The following PC variants were observed in gnomAD, a reference collection of about 807,000 sequenced individuals.
PC encodes the protein pyruvate carboxylase, also known as pyruvate carboxylase, mitochondrial.
PC carries 46 observed loss-of-function variants against 107.8 expected under a neutral mutation model. The ratio of observed to expected loss-of-function variants is 0.43; its 90% CI spans 0.34 to 0.55. The LOEUF (loss-of-function observed/expected upper bound fraction) is 0.55. PC is among the 20% of genes least tolerant of loss of function. The probability of loss-of-function intolerance (pLI) is 0.04; values close to 1 mark genes in which losing one functional copy is unlikely to be tolerated. For synonymous variants in PC, 662 were observed against 684.7 expected (o/e 0.97, Z 0.52); for missense variants, 1,241 against 1,643.1 (o/e 0.76, Z 4.23).
chr11:66,929,218 C>T (rs1267096278), intron 3 of PC, among the ~76,000 whole-genome samples: 1 of 152,106 alleles, frequency 6.6e-6, no homozygotes, highest in Non-Finnish European at 1.5e-5. Context: ...AGGCATAGTA[C>T]TAAAATTCTG....
In PC at chr11:66,870,579, G is replaced by C; in HGVS notation, c.752-126C>G. The C allele has an allele frequency of 8.3e-7, 1 of 1,207,010 alleles. No individual in the cohort carries two copies. Among genetic ancestry groups the C allele is most frequent in the South Asian group, 1.2e-5 (1 of 80,580 alleles). 74.8% of individuals were successfully genotyped at this position (1,207,010 alleles called of 1,614,324 possible). ...CTGCCAGCGGTACAGAGGCTGCCAG[G>C]AGAGACACCAGCATCACCAAGGCTG... On this transcript the variant is annotated intron_variant, in intron 8 of 22. Transcript: ENST00000393960. The surrounding 1 kb of genome is among the most constrained non-coding windows in gnomAD (Gnocchi z 6.1).
chr11:66,904,197 T>TCCTGCCCCACCCCTCCTGCAC (rs1948079211), intron 3 of PC, among the ~76,000 whole-genome samples: 1 of 151,982 alleles, frequency 6.6e-6, no homozygotes, highest in Non-Finnish European at 1.5e-5. Context: ...GTTCCTGATC[T>TCCTGCCCCACCCCTCCTGCAC]CCTGCCCCAC....
rs546367964 is a variant in PC, at chr11:66,850,417, C to T, written c.2521G>A (p.Ala841Thr). The T allele has an allele frequency of 6.2e-7, 1 of 1,614,036 alleles. No individual in the cohort carries two copies. Among genetic ancestry groups the T allele is most frequent in the African/African-American group, 1.3e-5 (1 of 75,032 alleles). ...VFDYSEYWEG[A>T]RGLYAAFDCT... ...TCGAAGGCCGCGTACAGTCCCCGAG[C>T]CCCCTCCCAGTACTCACTGTAGTCA... The change falls in exon 19 of 23, where the codon GCT (alanine) becomes ACT (threonine). Residue 841 changes from alanine to threonine, a missense_variant. By Grantham distance (58) the Ala-to-Thr change is moderately conservative (BLOSUM62 0). Coordinates refer to ENST00000393960, the MANE Select transcript of PC (RefSeq NM_001040716.2).
At chr11:66,941,413 T>C (rs866527371) in intron 3 of PC, among the ~76,000 whole-genome samples, 1 of 152,236 alleles carries the variant, frequency 6.6e-6, no homozygotes, top group East Asian at 1.9e-4. Context: ...TTATTCATAA[T>C]AGCTCAAACA....
At chr11:66,955,544 G>A (rs1949539801) in intron 1 of PC, among the ~76,000 whole-genome samples, 1 of 152,172 alleles carries the variant, frequency 6.6e-6, no homozygotes, top group South Asian at 2.1e-4. Flanking sequence ...GGGTACATTG[G>A]GGTAAACTGA....
chr11:66,861,676 G>A (rs943773148), intron 12 of PC, among the ~76,000 whole-genome samples: 3 of 152,164 alleles, frequency 2.0e-5, no homozygotes, highest in African/African-American at 7.2e-5. Flanking sequence ...AAAGGGACAG[G>A]AGGGCCAGGG....
chr11:66,871,959 T>G lies in PC; in HGVS notation c.136+65A>C. On this transcript the variant is annotated intron_variant, in intron 4 of 22. Transcript: ENST00000393960. This position sits in a 1 kb window ranked among gnomAD's most constrained non-coding sequence, Gnocchi z 7.4. ...GGAAGCCAGGGCCTGGGGCAGTGAGTGGGAGAAGAATGCCAAGGCTGGGGC... is the reference window on the plus strand; with the variant it reads ...GGAAGCCAGGGCCTGGGGCAGTGAGGGGGAGAAGAATGCCAAGGCTGGGGC... 6.4e-7 allele frequency: 1 copy of G among 1,564,130 alleles called. No homozygotes were observed. Among genetic ancestry groups the G allele is most frequent in the South Asian group, 1.2e-5 (1 of 85,510 alleles).
Position 66,852,895 on chromosome 11 carries a change from G to T in PC, c.1514-59C>A. Reference sequence around the variant, plus strand: ...CTGGGCAGAGGCTGAGTCGAGGGCAGCAGTGAGAGTGGCTGGGCTCAGGGA... The same window carrying T: ...CTGGGCAGAGGCTGAGTCGAGGGCATCAGTGAGAGTGGCTGGGCTCAGGGA... On this transcript the variant is annotated intron_variant, in intron 13 of 22. Coordinates refer to ENST00000393960, the MANE Select transcript of PC (RefSeq NM_001040716.2). The surrounding 1 kb of genome is among the most constrained non-coding windows in gnomAD (Gnocchi z 4.7). 1.6e-6 allele frequency: 2 copies of T among 1,283,988 alleles called. No individual in the cohort carries two copies. Among genetic ancestry groups the T allele is most frequent in the Non-Finnish European group, 2.2e-6 (2 of 916,348 alleles). 79.5% of individuals were successfully genotyped at this position (1,283,988 alleles called of 1,614,324 possible).
At chr11:66,860,290 T>C (rs374911673) in intron 12 of PC, 13 of 1,484,014 alleles carry the variant, frequency 8.8e-6, no homozygotes, top group African/African-American at 8.3e-5. Flanking sequence ...CCCTGGTTTT[T>C]ATTCTCAGTA....
chr11:66,880,219 A>G (rs1947138409), intron 3 of PC, among the ~76,000 whole-genome samples: 1 of 152,102 alleles, frequency 6.6e-6, no homozygotes, highest in African/African-American at 2.4e-5. Context: ...GAGAAACCGC[A>G]CTGTAAGATG....
chr11:66,849,707 A>T lies in PC; in HGVS notation c.3051T>A (p.Phe1017Leu), dbSNP rs542809148. The T allele has an allele frequency of 1.2e-6, 2 of 1,614,196 alleles. No homozygotes were observed. The highest frequency in any genetic ancestry group is 2.7e-5 in the African/African-American group (2 of 75,046). ...VLSAAMYPDVFAHFKDFTATF... is the reference protein window; with the variant it reads ...VLSAAMYPDVLAHFKDFTATF... Reference sequence around the variant, plus strand: ...TGGCAGTGAAGTCCTTGAAGTGGGCAAACACATCGGGGTACATAGCTGCTG... The same window carrying T: ...TGGCAGTGAAGTCCTTGAAGTGGGCTAACACATCGGGGTACATAGCTGCTG... The change falls in exon 21 of 23, where the codon TTT (phenylalanine) becomes TTA (leucine). Residue 1017 changes from phenylalanine (F) to leucine (L), a missense_variant. By Grantham distance (22) the Phe-to-Leu change is conservative. Transcript: ENST00000393960.
intron 3 of PC, among the ~76,000 whole-genome samples, chr11:66,906,649 A>T (rs1261212985): frequency 1.3e-5 from 2 of 151,650 alleles, no homozygotes; most frequent in Non-Finnish European, 2.9e-5. Context: ...GAGCATGCCC[A>T]TGTACACACA....
chr11:66,897,550 C>T (rs375620980), intron 3 of PC, among the ~76,000 whole-genome samples: 4 of 152,090 alleles, frequency 2.6e-5, no homozygotes, highest in Admixed American at 6.5e-5. Context: ...CCAGCCTGGG[C>T]GACAGAGAGA....
At chr11:66,894,504 G>T (rs1030438394) in intron 3 of PC, among the ~76,000 whole-genome samples, 1 of 152,160 alleles carries the variant, frequency 6.6e-6, no homozygotes, top group African/African-American at 2.4e-5. Context: ...AACCCCCAAG[G>T]GCAGAACAGG....
chr11:66,895,490 T>TA (rs1432329659), intron 3 of PC, among the ~76,000 whole-genome samples: 1 of 152,246 alleles, frequency 6.6e-6, no homozygotes, highest in African/African-American at 2.4e-5. Context: ...GAAGAAAACT[T>TA]AGAGACAAAC....
rs1591142603 is a variant in PC, at chr11:66,857,319, C to G, written c.1369-3936G>C. ...CAGGTGAGGGGGCCGCCGGGCGCAG[C>G]GCGGGGGCCGGCCAGGGAGGGGCCA... is the stretch of plus-strand genomic sequence containing the variant. On this transcript the variant is annotated intron_variant, in intron 12 of 22. Transcript: ENST00000393960. This position sits in a 1 kb window ranked among gnomAD's most constrained non-coding sequence, Gnocchi z 7.1. 1 of 151,326 alleles carries G rather than the reference C, an allele frequency of 6.6e-6. No individual in the cohort carries two copies. Among genetic ancestry groups the G allele is most frequent in the Non-Finnish European group, 1.5e-5 (1 of 68,348 alleles). 9.4% of individuals were successfully genotyped at this position (151,326 alleles called of 1,614,324 possible).
At chr11:66,956,430 C>T (rs1326309501) in intron 1 of PC, among the ~76,000 whole-genome samples, 1 of 151,964 alleles carries the variant, frequency 6.6e-6, no homozygotes, top group Non-Finnish European at 1.5e-5. Context: ...ACTAAAAATA[C>T]AAAAAATAGC....
chr11:66,904,604 C>T (rs1475691220), intron 3 of PC, among the ~76,000 whole-genome samples: 3 of 152,266 alleles, frequency 2.0e-5, no homozygotes, highest in African/African-American at 7.2e-5. Flanking sequence ...TGCCACCACA[C>T]TCCAGCATGG....
intron 3 of PC, among the ~76,000 whole-genome samples, chr11:66,946,975 T>A (rs1040111802): frequency 6.6e-6 from 1 of 152,118 alleles, no homozygotes. Context: ...GGCTAAAATT[T>A]AAAAGACTAA....
Sources: allele counts gnomAD v4.1 joint callset (sites outside exome capture counted in the v4.1 genomes callset), GRCh38; gene constraint gnomAD v4.1.1; non-coding constraint Gnocchi (gnomAD v3.1); transcripts MANE v1.5; gene names NCBI Gene and HGNC (gene_info 2026-07-23, HGNC 2026-07-21).